RIN2: variants seen among roughly 807,000 people sequenced by gnomAD.
The protein encoded by RIN2 is RAB5 interacting protein 2.
RIN2 carries 36 observed loss-of-function variants against 78.0 expected under a neutral mutation model. The observed-to-expected ratio is 0.46, with a 90% CI of 0.35 to 0.61. RIN2 has a LOEUF of 0.61. Among genes scored for constraint, RIN2 ranks in the 20% least tolerant of loss-of-function variants. The pLI, the probability that RIN2 is intolerant of heterozygous loss-of-function variation, is 0.00. For synonymous variants in RIN2, 466 were observed against 466.8 expected (o/e 1.00, Z 0.02); for missense variants, 1,087 against 1,159.7 (o/e 0.94, Z 0.91).
intron 3 of RIN2, among the ~76,000 whole-genome samples, chr20:19,922,977 C>G (rs1339909169): frequency 6.6e-6 from 1 of 152,222 alleles, no homozygotes; most frequent in African/African-American, 2.4e-5. Flanking sequence ...TCTCGGCAAC[C>G]TTGGACGCAG....
chr20:19,843,232 A>C (rs1478828139), intron 2 of RIN2, among the ~76,000 whole-genome samples: 1 of 152,252 alleles, frequency 6.6e-6, no homozygotes, highest in African/African-American at 2.4e-5. Context: ...TTATAAACTT[A>C]GTTGATAAAG....
chr20:19,994,812 T>C (rs2042905098), intron 11 of RIN2, among the ~76,000 whole-genome samples: 2 of 152,174 alleles, frequency 1.3e-5, no homozygotes, highest in South Asian at 2.1e-4. Context: ...GTGGGGCGAA[T>C]ATTTGGTAAA....
chr20:19,934,502 C>T (rs2040557406), intron 3 of RIN2: 2 of 985,372 alleles, frequency 2.0e-6, no homozygotes, highest in Non-Finnish European at 2.4e-6. Flanking sequence ...TCCCCTCCTC[C>T]CCACTCATCC....
chr20:19,833,269 T>C (rs934686115), intron 2 of RIN2, among the ~76,000 whole-genome samples: 4 of 148,230 alleles, frequency 2.7e-5, no homozygotes, highest in Non-Finnish European at 4.5e-5. Context: ...TATATATAGA[T>C]AGATAGATAT....
intron 9 of RIN2, among the ~76,000 whole-genome samples, chr20:19,980,586 G>A (rs1321167714): frequency 2.0e-5 from 3 of 152,140 alleles, no homozygotes; most frequent in Admixed American, 2.0e-4. Flanking sequence ...TACCTCCCAG[G>A]CAGGAAACCT....
At chr20:19,864,650 G>T in intron 2 of RIN2, among the ~76,000 whole-genome samples, 1 of 152,172 alleles carries the variant, frequency 6.6e-6, no homozygotes, top group East Asian at 1.9e-4. Context: ...GACTTATTAG[G>T]AAGGCATCAG....
chr20:19,913,294 T>C (rs2039552702), intron 3 of RIN2, among the ~76,000 whole-genome samples: 1 of 152,182 alleles, frequency 6.6e-6, no homozygotes, highest in South Asian at 2.1e-4. Context: ...TAAGCATTTT[T>C]AACCATGTTT....
chr20:19,758,832 AC>A (rs755388094), intron 1 of RIN2, among the ~76,000 whole-genome samples: 19 of 152,104 alleles, frequency 1.2e-4, no homozygotes, highest in Non-Finnish European at 2.6e-4. Flanking sequence ...CCCAGCGCGG[AC>A]CCCACTGGTG....
chr20:19,828,909 T>C (rs2036173778), intron 2 of RIN2, among the ~76,000 whole-genome samples: 1 of 152,132 alleles, frequency 6.6e-6, no homozygotes, highest in African/African-American at 2.4e-5. Flanking sequence ...GCTAACTGGC[T>C]TCCTGCTAGG....
chr20:19,993,128 A>G (rs150194836), intron 11 of RIN2, among the ~76,000 whole-genome samples: 262 of 152,352 alleles, frequency 1.7e-3, no homozygotes, highest in African/African-American at 5.9e-3. Flanking sequence ...CACAGCCTTG[A>G]AACGCAGAAA....
At chr20:19,938,377 C>T (rs535241082) in intron 4 of RIN2, among the ~76,000 whole-genome samples, 1 of 151,844 alleles carries the variant, frequency 6.6e-6, no homozygotes, top group South Asian at 2.1e-4. Context: ...CACCACCACA[C>T]CCAGCTAATT....
At chr20:19,836,335 A>G (rs2036418501) in intron 2 of RIN2, among the ~76,000 whole-genome samples, 1 of 152,228 alleles carries the variant, frequency 6.6e-6, no homozygotes, top group Admixed American at 6.5e-5. Flanking sequence ...CTAGTTCCTC[A>G]TGACGCCATC....
intron 2 of RIN2, among the ~76,000 whole-genome samples, chr20:19,855,850 T>C (rs1393797799): frequency 1.3e-5 from 2 of 152,076 alleles, no homozygotes; most frequent in African/African-American, 4.8e-5. Flanking sequence ...CCAAGGCGGG[T>C]GGATCACAAG....
chr20:19,757,936 CAG>C (rs1179781056), upstream of RIN2: 2 of 152,438 alleles, frequency 1.3e-5, no homozygotes, highest in African/African-American at 4.8e-5. Context: ...TTCCTTGTAA[CAG>C]GGTAAGCGTA....
At chr20:19,801,495 G>T (rs937497587) in intron 2 of RIN2, among the ~76,000 whole-genome samples, 5 of 151,898 alleles carry the variant, frequency 3.3e-5, no homozygotes, top group Non-Finnish European at 2.9e-5. Context: ...TAATTTTTTT[G>T]TATTTTTAGT....
chr20:19,992,291 A>G lies in RIN2; in HGVS notation c.2192A>G (p.His731Arg), dbSNP rs990323695. The change falls in exon 11 of 13, where the codon CAT (histidine) becomes CGT (arginine). Residue 731 changes from histidine (H) to arginine (R), a missense_variant. Transcript: ENST00000255006. ...MMELLDPSLL[H>R]GEGGYYLTSA... ...GAGCTCCTAGACCCATCGCTGTTAC[A>G]TGGAGAAGGTAACTGCTTTTGAGAA... The G allele has an allele frequency of 4.0e-5, 63 of 1,563,474 alleles. No homozygotes were observed. Among genetic ancestry groups the G allele is most frequent in the Non-Finnish European group, 5.3e-5 (61 of 1,153,142 alleles).
At chr20:19,940,686 T>C (rs1169372379) in intron 4 of RIN2, among the ~76,000 whole-genome samples, 2 of 152,222 alleles carry the variant, frequency 1.3e-5, no homozygotes, top group African/African-American at 2.4e-5. Context: ...CTGGAGAGTA[T>C]GGGAACATGA....
chr20:19,865,790 C>T (rs535714299), intron 2 of RIN2, among the ~76,000 whole-genome samples: 1 of 151,994 alleles, frequency 6.6e-6, no homozygotes, highest in Non-Finnish European at 1.5e-5. Flanking sequence ...CCATGCCTGA[C>T]CAAAAGTTAT....
chr20:19,997,321 G>A (rs534061571), intron 12 of RIN2, among the ~76,000 whole-genome samples: 7 of 152,336 alleles, frequency 4.6e-5, no homozygotes, highest in South Asian at 2.1e-4. Context: ...CGTCCACGGC[G>A]CAGAGTGACC....
Sources: allele counts gnomAD v4.1 joint callset (sites outside exome capture counted in the v4.1 genomes callset), GRCh38; gene constraint gnomAD v4.1.1; transcripts MANE v1.5; gene names NCBI Gene and HGNC (gene_info 2026-07-23, HGNC 2026-07-21).